Variants in UPRT observed in about 807,000 individuals in gnomAD.
UPRT encodes uracil phosphoribosyltransferase homolog.
UPRT carries 5 observed loss-of-function variants against 22.6 expected under a neutral mutation model. That is an observed-to-expected ratio of 0.22 (90% CI 0.12 to 0.47). The LOEUF (loss-of-function observed/expected upper bound fraction) is 0.47, where lower values mean the gene tolerates loss of function less well. Ranked by LOEUF, UPRT falls within the 20% of genes least tolerant of loss-of-function variation. The pLI is 0.99. For synonymous variants in UPRT, 77 were observed against 87.7 expected, an observed-to-expected ratio of 0.88 and a Z score of 0.68; for missense variants, 181 against 239.9, an observed-to-expected ratio of 0.75 and a Z score of 1.62.
chrX:75,268,286 A>G, intron 4 of UPRT, among the ~76,000 whole-genome samples: 1 of 111,686 alleles, frequency 9.0e-6, no homozygotes, highest in Non-Finnish European at 1.9e-5. Flanking sequence ...AACAAAAAAA[A>G]GTCCAGGACC....
intron 4 of UPRT, among the ~76,000 whole-genome samples, chrX:75,265,395 C>G (rs1175204126): frequency 9.0e-6 from 1 of 111,329 alleles, no homozygotes; most frequent in East Asian, 2.8e-4. Context: ...ATTCTTTTTT[C>G]TCTAAACTTC....
intron 4 of UPRT, among the ~76,000 whole-genome samples, chrX:75,220,020 C>CT (rs1378437318): frequency 9.0e-6 from 1 of 110,836 alleles, no homozygotes; most frequent in African/African-American, 3.3e-5. Flanking sequence ...GTTGAAGACT[C>CT]TAACGATCAT....
intron 4 of UPRT, among the ~76,000 whole-genome samples, chrX:75,260,143 T>C (rs2082563009): frequency 8.9e-6 from 1 of 112,156 alleles, no homozygotes; most frequent in South Asian, 3.7e-4. Flanking sequence ...TACCAGCCAC[T>C]GCAAAAACAT....
rs372632343 is a variant in UPRT, at chrX:75,163,365, T to A, written c.-521+140T>A. ...AGACCCACCCAAGATAATCTCTTTT[T>A]TGATTAACTTAAAGTCAACTGATTC... On this transcript the variant is annotated intron_variant, in intron 3 of 13. Coordinates refer to the UPRT transcript ENST00000652605. Among the ~76,000 whole-genome samples the A allele has an allele frequency of 1.5e-4, 17 of 112,207 alleles. No homozygotes were observed. The East Asian group carries it at 2.2e-3, about 15-fold the overall frequency.
chrX:75,249,245 T>A (rs188321760), intron 4 of UPRT, among the ~76,000 whole-genome samples: 61 of 111,688 alleles, frequency 5.5e-4, no homozygotes, highest in African/African-American at 1.9e-3. Context: ...AATGCTCCAA[T>A]TAAAATGTAC....
At chrX:75,245,956 A>C (rs1356998315) in intron 4 of UPRT, among the ~76,000 whole-genome samples, 1 of 112,094 alleles carries the variant, frequency 8.9e-6, no homozygotes. Context: ...AGTTAAAAAC[A>C]AATAAATATA....
At chrX:75,178,237 T>C (rs1465831839) in intron 4 of UPRT, among the ~76,000 whole-genome samples, 2 of 112,227 alleles carry the variant, frequency 1.8e-5, no homozygotes, top group African/African-American at 6.5e-5. Context: ...GTCCGGCGGC[T>C]GCGCTAGTCG....
chrX:75,282,168 C>T (rs1310829471), intron 1 of UPRT, among the ~76,000 whole-genome samples: 2 of 110,801 alleles, frequency 1.8e-5, no homozygotes, highest in Non-Finnish European at 3.8e-5. Context: ...CTTGGTTAAT[C>T]TTGCTAATAG....
At chrX:75,272,347 C>T (rs1254008227), upstream of UPRT, among the ~76,000 whole-genome samples, 59 of 81,355 alleles carry the variant, frequency 7.3e-4, no homozygotes, top group African/African-American at 3.2e-3. Context: ...TATATATACA[C>T]ATATATATAT....
intron 4 of UPRT, among the ~76,000 whole-genome samples, chrX:75,259,771 C>G (rs1242904032): frequency 4.5e-5 from 5 of 110,831 alleles, no homozygotes; most frequent in Admixed American, 1.9e-4. Context: ...CACAAAGATA[C>G]TCCTCGAGAA....
intron 4 of UPRT, among the ~76,000 whole-genome samples, chrX:75,189,411 C>T (rs746265378): frequency 1.2e-4 from 13 of 111,765 alleles, no homozygotes; most frequent in African/African-American, 4.2e-4. Flanking sequence ...ACTATGTGGT[C>T]AATTTTGGAA....
At chrX:75,212,923 C>A (rs746808025) in intron 4 of UPRT, among the ~76,000 whole-genome samples, 1 of 112,148 alleles carries the variant, frequency 8.9e-6, no homozygotes, top group East Asian at 2.8e-4. Flanking sequence ...ATATCCTGCA[C>A]ATGTATCATC....
chrX:75,248,261 G>A (rs1443332457), intron 4 of UPRT, among the ~76,000 whole-genome samples: 3 of 111,551 alleles, frequency 2.7e-5, no homozygotes, highest in East Asian at 2.8e-4. Flanking sequence ...AAACTACTCC[G>A]AGCTAAAGGA....
At chrX:75,163,303 A>G (rs768751494) in intron 3 of UPRT, among the ~76,000 whole-genome samples, 5 of 112,070 alleles carry the variant, frequency 4.5e-5, no homozygotes, top group African/African-American at 1.3e-4. Flanking sequence ...TCAAGAAAGG[A>G]CAGGACCCTC....
chrX:75,204,201 G>A (rs1479193984), intron 4 of UPRT, among the ~76,000 whole-genome samples: 1 of 110,905 alleles, frequency 9.0e-6, no homozygotes, highest in Non-Finnish European at 1.9e-5. Flanking sequence ...CCCTAAGAAA[G>A]GGGCAACCTG....
chrX:75,180,681 G>GTTTTTTTTTTTTTTTTTTTTCT (rs59522302), intron 4 of UPRT, among the ~76,000 whole-genome samples: 1 of 43,895 alleles, frequency 2.3e-5, no homozygotes, highest in African/African-American at 9.2e-5. Flanking sequence ...CCTTTTCTCT[G>GTTTTTTTTTTTTTTTTTTTTCT]TTTTTTTTTT....
chrX:75,271,933 C>G (rs2082609220), upstream of UPRT, among the ~76,000 whole-genome samples: 1 of 110,880 alleles, frequency 9.0e-6, no homozygotes, highest in Non-Finnish European at 1.9e-5. Flanking sequence ...AAATTAAAAC[C>G]ACAATTTAAT....
chrX:75,157,970 G>C (rs6655626), intron 1 of UPRT, among the ~76,000 whole-genome samples: 3,235 of 112,263 alleles, frequency 0.029, 116 homozygotes, highest in African/African-American at 0.1. Flanking sequence ...CTCTACTAAT[G>C]ATTTCTCTTA....
rs1474593196 is a variant in UPRT, at chrX:75,274,197, C to T, written c.-58C>T. The T allele has an allele frequency of 3.5e-6, 4 of 1,154,970 alleles. No homozygotes were observed. Among genetic ancestry groups the T allele is most frequent in the East Asian group, 6.0e-5 (2 of 33,239 alleles). On this transcript the variant is annotated 5_prime_UTR_variant, in exon 1 of 7. Transcript: ENST00000373383. Reference sequence around the variant, plus strand: ...AGCACGTGAGCATCTGTCCTTTCTACCCGTTCCTCTTTATCTTTAGTGTTC... The same window carrying T: ...AGCACGTGAGCATCTGTCCTTTCTATCCGTTCCTCTTTATCTTTAGTGTTC...
Sources: gnomAD v4.1 joint callset for allele counts (sites outside exome capture counted in the v4.1 genomes callset) on GRCh38, gnomAD v4.1.1 for gene constraint, MANE v1.5 for transcripts, NCBI Gene and HGNC (gene_info 2026-07-23, HGNC 2026-07-21) for gene names.